The following PAICS variants were observed in gnomAD, a reference collection of about 807,000 sequenced individuals.
PAICS encodes the protein bifunctional phosphoribosylaminoimidazole carboxylase/phosphoribosylaminoimidazole succinocarboxamide synthetase.
In PAICS, 33 loss-of-function variants were observed where a neutral mutation model predicts 53.7. The observed-to-expected ratio is 0.61, with a 90% CI of 0.47 to 0.82. The LOEUF is 0.82. Ranked by LOEUF, PAICS falls within the 40% of genes least tolerant of loss-of-function variation. The pLI, the probability that PAICS is intolerant of heterozygous loss-of-function variation, is 0.00. For synonymous variants in PAICS, 141 were observed against 167.2 expected (o/e 0.84, Z 1.21); for missense variants, 394 against 494.1 (o/e 0.80, Z 1.92).
chr4:56,438,937 T>C (rs1363779879), intron 1 of PAICS, among the ~76,000 whole-genome samples: 1 of 152,238 alleles, frequency 6.6e-6, no homozygotes, highest in East Asian at 1.9e-4. Flanking sequence ...GTGTAAATTC[T>C]GTGCTTTCCC....
At chr4:56,429,010 G>A in the PAICS span, 3 of 959,426 alleles carry the variant, frequency 3.1e-6, no homozygotes, top group Non-Finnish European at 3.7e-6. Context: ...AAGATGGTAA[G>A]AGCCAGAGAA....
At chr4:56,450,587 T>G in intron 5 of PAICS, 32 bp from the exon 6 acceptor site, 1 of 1,179,370 alleles carries the variant, frequency 8.5e-7, no homozygotes, top group Non-Finnish European at 1.2e-6. Flanking sequence ...CAAGAGATAC[T>G]TGTTTTCTAA....
At chr4:56,448,293 C>T (rs1578153429) in intron 3 of PAICS, 125 bp from the exon 4 acceptor site, 1 of 613,218 alleles carries the variant, frequency 1.6e-6, no homozygotes, top group South Asian at 2.8e-5. Flanking sequence ...GCATGAGCCA[C>T]CATGCCCGGC....
chr4:56,445,036 AT>A (rs1246836440), intron 2 of PAICS, among the ~76,000 whole-genome samples: 5 of 151,636 alleles, frequency 3.3e-5, no homozygotes, highest in East Asian at 1.9e-4. Flanking sequence ...ATTGCATCTA[AT>A]TTTTTTTTAA....
intron 3 of PAICS, 123 bp from the exon 4 acceptor site, chr4:56,448,295 A>G: frequency 3.2e-6 from 2 of 628,614 alleles, no homozygotes; most frequent in Non-Finnish European, 2.7e-6. Context: ...ATGAGCCACC[A>G]TGCCCGGCTG....
chr4:56,416,451 G>A, the PAICS span: 8 of 431,956 alleles, frequency 1.9e-5, no homozygotes, highest in Non-Finnish European at 2.5e-5. Flanking sequence ...ATAGTATAAT[G>A]GATGGGACAG....
chr4:56,458,156 G>C (rs1000565835), intron 8 of PAICS, among the ~76,000 whole-genome samples: 2 of 152,136 alleles, frequency 1.3e-5, no homozygotes, highest in African/African-American at 4.8e-5. Flanking sequence ...AAATAATCTG[G>C]AAGACTTGTA....
chr4:56,422,211 T>C, the PAICS span: 1 of 152,134 alleles, frequency 6.6e-6, no homozygotes, highest in East Asian at 1.9e-4. Flanking sequence ...GAGGCAGAGG[T>C]TGCAGTAAGC....
chr4:56,448,128 C>T (rs184054512), intron 3 of PAICS, among the ~76,000 whole-genome samples: 3 of 151,728 alleles, frequency 2.0e-5, no homozygotes, highest in Admixed American at 2.0e-4. Context: ...CTGCCTCAGC[C>T]TCCCAAGTAG....
chr4:56,437,254 ATGGTG>A (rs1718051557), intron 1 of PAICS, among the ~76,000 whole-genome samples: 1 of 59,546 alleles, frequency 1.7e-5, no homozygotes, highest in Admixed American at 1.8e-4. Flanking sequence ...TGATGCCATG[ATGGTG>A]TGTGTGTGTG....
intron 1 of PAICS, 103 bp from the exon 2 acceptor site, chr4:56,441,560 T>G: frequency 2.1e-6 from 1 of 468,666 alleles, no homozygotes; most frequent in Non-Finnish European, 3.8e-6. Flanking sequence ...TTATTAATAT[T>G]ACTTAATCAC....
chr4:56,452,750 C>T (rs1311493539), intron 7 of PAICS, among the ~76,000 whole-genome samples: 1 of 152,012 alleles, frequency 6.6e-6, no homozygotes, highest in Non-Finnish European at 1.5e-5. Context: ...TCCTGGGAGG[C>T]AGTCAGATAG....
the PAICS span, among the ~76,000 whole-genome samples, chr4:56,429,317 T>C: frequency 0.33 from 49,772 of 152,078 alleles, 8,924 homozygotes; most frequent in Non-Finnish European, 0.41. Context: ...AATTGTACTT[T>C]ACAGTGATTG....
At chr4:56,434,600 C>T (rs1242311042), upstream of PAICS, among the ~76,000 whole-genome samples, 2 of 152,148 alleles carry the variant, frequency 1.3e-5, no homozygotes, top group East Asian at 3.8e-4. Context: ...GGCATAGAGA[C>T]ACTACTCCCC....
chr4:56,444,264 C>T (rs1231517661), intron 2 of PAICS, among the ~76,000 whole-genome samples: 1 of 151,958 alleles, frequency 6.6e-6, no homozygotes, highest in Non-Finnish European at 1.5e-5. Flanking sequence ...AATCTTTTTC[C>T]GTGGAAATAG....
chr4:56,441,605 A>G (rs964402216), intron 1 of PAICS, 58 bp from the exon 2 acceptor site: 4 of 683,320 alleles, frequency 5.9e-6, no homozygotes, highest in Non-Finnish European at 9.5e-6. Context: ...TAGGTGATTT[A>G]GTCTTCAGCA....
intron 8 of PAICS, among the ~76,000 whole-genome samples, chr4:56,455,290 A>T (rs1013141775): frequency 6.6e-6 from 1 of 152,180 alleles, no homozygotes; most frequent in African/African-American, 2.4e-5. Flanking sequence ...ATGAGGGTCA[A>T]TATTGTTTCA....
At chr4:56,420,187 G>C in the PAICS span, 1 of 169,204 alleles carries the variant, frequency 5.9e-6, no homozygotes, top group Admixed American at 6.5e-5. Context: ...CATATACATA[G>C]TGAGGTATCT....
chr4:56,436,366 G>C, intron 1 of PAICS, 38 bp downstream of exon 1: 4 of 1,470,972 alleles, frequency 2.7e-6, no homozygotes, highest in Non-Finnish European at 3.8e-6. Flanking sequence ...CGGTCTCCCT[G>C]ACCCCCAGGC....
Sources: allele counts gnomAD v4.1 joint callset (sites outside exome capture counted in the v4.1 genomes callset), GRCh38; gene constraint gnomAD v4.1.1; transcripts MANE v1.5; gene names NCBI Gene and HGNC (gene_info 2026-07-23, HGNC 2026-07-21).